The following ASH1L variants were observed in gnomAD, a reference collection of about 807,000 sequenced individuals.
ASH1L encodes ASH1 like histone lysine methyltransferase, also known as histone-lysine N-methyltransferase ASH1L.
In ASH1L, 23 loss-of-function variants were observed where a neutral mutation model predicts 269.0. That is an observed-to-expected ratio of 0.09 (90% CI 0.06 to 0.12). ASH1L has a LOEUF of 0.12. Among genes scored for constraint, ASH1L ranks in the 10% least tolerant of loss-of-function variants. ASH1L has a pLI of 1.00. For missense variants in ASH1L, 2,912 were observed against 3,567.8 expected, an observed-to-expected ratio of 0.82 and a Z score of 4.68; for synonymous variants, 1,187 against 1,253.5, an observed-to-expected ratio of 0.95 and a Z score of 1.12.
At chr1:155,491,138 T>C (rs539543724) in intron 2 of ASH1L, among the ~76,000 whole-genome samples, 2 of 152,154 alleles carry the variant, frequency 1.3e-5, no homozygotes, top group Non-Finnish European at 2.9e-5. Flanking sequence ...GGTCCATATT[T>C]TTCTAAATTG....
chr1:155,360,965 G>T (rs1654889067), intron 12 of ASH1L, among the ~76,000 whole-genome samples: 1 of 151,874 alleles, frequency 6.6e-6, no homozygotes, highest in Non-Finnish European at 1.5e-5. Flanking sequence ...ACCAGACCAG[G>T]CGCCGTAGCT....
At chr1:155,354,241 G>A (rs549980680) in intron 16 of ASH1L, among the ~76,000 whole-genome samples, 8 of 152,284 alleles carry the variant, frequency 5.3e-5, no homozygotes, top group African/African-American at 9.6e-5. Flanking sequence ...TCAGGAGTTC[G>A]AGACCAGCCT....
At chr1:155,430,467 T>C (rs1033281319) in intron 5 of ASH1L, among the ~76,000 whole-genome samples, 3 of 152,188 alleles carry the variant, frequency 2.0e-5, no homozygotes, top group Non-Finnish European at 4.4e-5. Flanking sequence ...CTTTTGAGTA[T>C]GTTTTGTTAA....
chr1:155,472,057 G>C (rs1665142243), intron 3 of ASH1L, among the ~76,000 whole-genome samples: 1 of 152,176 alleles, frequency 6.6e-6, no homozygotes, highest in South Asian at 2.1e-4. Flanking sequence ...CTGGAAGGCT[G>C]AGACAGGTGG....
chr1:155,460,399 A>G (rs1014969056), intron 3 of ASH1L, among the ~76,000 whole-genome samples: 6 of 152,088 alleles, frequency 3.9e-5, no homozygotes, highest in African/African-American at 1.4e-4. Flanking sequence ...CACAAGGTCA[A>G]GAGTTTGAGA....
At chr1:155,553,807 T>TC in intron 1 of ASH1L, among the ~76,000 whole-genome samples, 1 of 152,236 alleles carries the variant, frequency 6.6e-6, no homozygotes, top group South Asian at 2.1e-4. Context: ...TAGAATTTTT[T>TC]TTTTTTTTTG....
chr1:155,436,011 A>C (rs1662056166), intron 5 of ASH1L, among the ~76,000 whole-genome samples: 1 of 152,174 alleles, frequency 6.6e-6, no homozygotes, highest in African/African-American at 2.4e-5. Flanking sequence ...AGATCGTGCC[A>C]TTGCACTCCA....
At chr1:155,420,813 G>A (rs1660614421) in intron 5 of ASH1L, among the ~76,000 whole-genome samples, 1 of 145,734 alleles carries the variant, frequency 6.9e-6, no homozygotes, top group African/African-American at 2.6e-5. Flanking sequence ...TCGCACTACT[G>A]CACTTTAGCC....
chr1:155,351,827 C>T (rs182409544), intron 17 of ASH1L, among the ~76,000 whole-genome samples: 67 of 149,546 alleles, frequency 4.5e-4, no homozygotes, highest in Middle Eastern at 3.4e-3. Flanking sequence ...CTCCAGCCTG[C>T]GTGACAGAGT....
chr1:155,561,265 A>G (rs678692), intron 1 of ASH1L, among the ~76,000 whole-genome samples: 74,623 of 142,330 alleles, frequency 0.52, 22,430 homozygotes, highest in Non-Finnish European at 0.67. Flanking sequence ...ATTCTTTACA[A>G]CTTTGTAGTA....
Position 155,562,645 on chromosome 1 carries a change from C to T in ASH1L, c.-592G>A. On this transcript the variant is annotated 5_prime_UTR_variant, in exon 1 of 28. Transcript: ENST00000392403. ...CTACGGGCTCGTCGCTGGCTGCTCCCACCAACCACCACCTTCGGCCGCCCC... is the reference window on the plus strand; with the variant it reads ...CTACGGGCTCGTCGCTGGCTGCTCCTACCAACCACCACCTTCGGCCGCCCC... The T allele has an allele frequency of 6.6e-7, 1 of 1,525,822 alleles. No homozygotes were observed. Among genetic ancestry groups the T allele is most frequent in the Non-Finnish European group, 8.8e-7 (1 of 1,140,348 alleles). 94.5% of individuals were successfully genotyped at this position (1,525,822 alleles called of 1,614,324 possible).
At chr1:155,538,471 C>A (rs1190037165) in intron 1 of ASH1L, among the ~76,000 whole-genome samples, 1 of 151,904 alleles carries the variant, frequency 6.6e-6, no homozygotes, top group African/African-American at 2.4e-5. Context: ...GAGTCTCCTG[C>A]CTCAGCCTCC....
In ASH1L at chr1:155,481,479, G is replaced by T. The variant is rs1351311827; in HGVS notation, c.1391C>A (p.Thr464Asn). 1 of 1,614,022 alleles carries T rather than the reference G, an allele frequency of 6.2e-7. No individual in the cohort carries two copies. Among genetic ancestry groups the T allele is most frequent in the African/African-American group, 1.3e-5 (1 of 75,014 alleles). ...ESLKDSATSK[T>N]FEKNVVRQNK... ...CTGCCGTACAACATTCTTTTCAAAA[G>T]TTTTGCTGGTGGCACTATCTTTCAG... The change falls in exon 3 of 28, where the codon ACT (threonine) becomes AAT (asparagine). Residue 464 changes from threonine to asparagine, a missense_variant. Transcript: ENST00000392403.
In ASH1L at chr1:155,459,628, T is replaced by C. The variant is rs1021254728; in HGVS notation, c.5086+169A>G. 2.6e-4 allele frequency among the ~76,000 whole-genome samples: 40 copies of C among 152,258 alleles called. 1 individual carries two copies. The highest frequency in any genetic ancestry group is 1.0e-4 in the Non-Finnish European group (7 of 68,040). On this transcript the variant is annotated intron_variant, in intron 4 of 27. Coordinates refer to ENST00000392403, the MANE Select transcript of ASH1L (RefSeq NM_018489.3). ...GACTACTATATTGTTTCAATGTACA[T>C]TACTGATTCTCAAATACCAAGTCTA...
intron 4 of ASH1L, among the ~76,000 whole-genome samples, chr1:155,454,605 T>G (rs1227008356): frequency 6.6e-6 from 1 of 151,832 alleles, no homozygotes; most frequent in Non-Finnish European, 1.5e-5. Flanking sequence ...CCATCTCTAG[T>G]AAAAATACAA....
intron 1 of ASH1L, among the ~76,000 whole-genome samples, chr1:155,552,054 T>C (rs1671256026): frequency 6.6e-6 from 1 of 152,188 alleles, no homozygotes; most frequent in South Asian, 2.1e-4. Flanking sequence ...AAAAGATCTA[T>C]ATCGAAAAAA....
At chr1:155,532,157 T>C (rs1363713551) in intron 1 of ASH1L, among the ~76,000 whole-genome samples, 2 of 152,220 alleles carry the variant, frequency 1.3e-5, no homozygotes, top group Non-Finnish European at 2.9e-5. Context: ...ACATGCAATT[T>C]TGGGATTTAT....
At chr1:155,497,183 CAGA>C (rs779429476) in intron 2 of ASH1L, among the ~76,000 whole-genome samples, 3 of 152,090 alleles carry the variant, frequency 2.0e-5, no homozygotes, top group Non-Finnish European at 4.4e-5. Flanking sequence ...TGCAGACACC[CAGA>C]AGAAGTGAAA....
At chr1:155,406,020 A>G (rs571130461) in intron 6 of ASH1L, among the ~76,000 whole-genome samples, 2 of 151,916 alleles carry the variant, frequency 1.3e-5, no homozygotes, top group South Asian at 2.1e-4. Context: ...CCTGGCCAAC[A>G]TGGCAAAACC....
Sources: gnomAD v4.1 joint callset for allele counts (sites outside exome capture counted in the v4.1 genomes callset) on GRCh38, gnomAD v4.1.1 for gene constraint, MANE v1.5 for transcripts, NCBI Gene and HGNC (gene_info 2026-07-23, HGNC 2026-07-21) for gene names.